IGF2BP3: variants seen among roughly 807,000 people sequenced by gnomAD.
IGF2BP3 encodes insulin like growth factor 2 mRNA binding protein 3.
A neutral mutation model predicts 73.8 loss-of-function variants in IGF2BP3; 9 were observed. That is an observed-to-expected ratio of 0.12 (90% CI 0.07 to 0.21). The LOEUF (loss-of-function observed/expected upper bound fraction) is 0.21, where lower values mean the gene tolerates loss of function less well. Ranked by LOEUF, IGF2BP3 falls within the 10% of genes least tolerant of loss-of-function variation. IGF2BP3 has a pLI of 1.00. For synonymous variants in IGF2BP3, 258 were observed against 256.7 expected, an observed-to-expected ratio of 1.01 and a Z score of -0.05; for missense variants, 542 against 714.0, an observed-to-expected ratio of 0.76 and a Z score of 2.75.
In IGF2BP3 at chr7:23,351,376, G is replaced by T. The variant is rs768741894; in HGVS notation, c.612C>A (p.Thr204=). ...CDLPLRLLVP[T]QFVGAIIGKE... ...TTCCTATGATGGCTCCAACAAATTG[G>T]GTGGGAACCAGCAGGCGCAGAGGCA... Residue 204 remains threonine (T), a synonymous_variant, in exon 6 of 15, where the codon ACC becomes ACA. Transcript: ENST00000258729. 6.2e-7 allele frequency: 1 copy of T among 1,613,868 alleles called. No homozygotes were observed. Among genetic ancestry groups the T allele is most frequent in the East Asian group, 2.2e-5 (1 of 44,860 alleles).
At chr7:23,386,722 G>C (rs567650660) in intron 3 of IGF2BP3, among the ~76,000 whole-genome samples, 40 of 152,258 alleles carry the variant, frequency 2.6e-4, no homozygotes, top group African/African-American at 9.4e-4. Flanking sequence ...GTATTGGCAG[G>C]GAGGGGTGGT....
intron 2 of IGF2BP3, among the ~76,000 whole-genome samples, chr7:23,433,368 G>A (rs900517000): frequency 7.2e-5 from 11 of 151,908 alleles, no homozygotes; most frequent in Admixed American, 2.0e-4. Context: ...GAATTGAATC[G>A]TTCTGTAAGG....
At chr7:23,389,246 C>T (rs1224303203) in intron 3 of IGF2BP3, among the ~76,000 whole-genome samples, 3 of 151,688 alleles carry the variant, frequency 2.0e-5, no homozygotes, top group Non-Finnish European at 4.4e-5. Flanking sequence ...CTGCAACCTC[C>T]ATCTCCCAGG....
At chr7:23,341,342 A>C (rs373380239) in intron 10 of IGF2BP3, among the ~76,000 whole-genome samples, 2 of 152,192 alleles carry the variant, frequency 1.3e-5, no homozygotes, top group African/African-American at 4.8e-5. Flanking sequence ...CAAAGATGAA[A>C]GAAGCCTTTA....
intron 5 of IGF2BP3, chr7:23,361,324 A>G (rs1490239109): frequency 3.9e-6 from 2 of 506,918 alleles, no homozygotes; most frequent in Admixed American, 6.9e-5. Flanking sequence ...GGCATTAAAG[A>G]TATATTGAAA....
rs428024 is a variant in IGF2BP3 at position 23,367,142 on chromosome 7, C to A, written c.286-5401G>T. 3.6e-3 allele frequency among the ~76,000 whole-genome samples: 552 copies of A among 152,236 alleles called. 4 individuals are homozygous for A. The highest frequency in any genetic ancestry group is 6.0e-3 in the Non-Finnish European group (410 of 67,996). ...TACATGCATGTGCCACCACGCCTGG[C>A]TACTTTTTGTATTATAGTAGAGACA... On this transcript the variant is annotated intron_variant, in intron 3 of 14. Coordinates refer to ENST00000258729, the MANE Select transcript of IGF2BP3 (RefSeq NM_006547.3).
chr7:23,314,618 G>C (rs1249132652), intron 12 of IGF2BP3, among the ~76,000 whole-genome samples: 1 of 151,892 alleles, frequency 6.6e-6, no homozygotes, highest in African/African-American at 2.4e-5. Context: ...CATTTTTTTT[G>C]AGCAAAAGAG....
intron 3 of IGF2BP3, among the ~76,000 whole-genome samples, chr7:23,382,612 C>A (rs554597360): frequency 1.3e-3 from 192 of 152,170 alleles, no homozygotes; most frequent in African/African-American, 4.3e-3. Flanking sequence ...CAATAACTAT[C>A]CTCCTACCAT....
At chr7:23,397,715 C>CA (rs1337420639) in intron 3 of IGF2BP3, among the ~76,000 whole-genome samples, 2 of 152,190 alleles carry the variant, frequency 1.3e-5, no homozygotes, top group African/African-American at 4.8e-5. Context: ...TTAGAGTCCC[C>CA]ACTCTCAAGG....
chr7:23,358,182 CA>C (rs1274286421), intron 5 of IGF2BP3, among the ~76,000 whole-genome samples: 1 of 152,118 alleles, frequency 6.6e-6, no homozygotes, highest in Non-Finnish European at 1.5e-5. Flanking sequence ...TTAACTTGAC[CA>C]AAGTCAGCTA....
intron 2 of IGF2BP3, among the ~76,000 whole-genome samples, chr7:23,420,780 C>G (rs1157044371): frequency 6.6e-6 from 1 of 152,178 alleles, no homozygotes; most frequent in African/African-American, 2.4e-5. Context: ...AAGAGAAGCA[C>G]TTTTACATTA....
At chr7:23,401,981 G>T (rs1195968973) in intron 3 of IGF2BP3, among the ~76,000 whole-genome samples, 2 of 151,886 alleles carry the variant, frequency 1.3e-5, no homozygotes, top group Non-Finnish European at 1.5e-5. Context: ...GCCAGGCATG[G>T]TGGCGTGTCC....
chr7:23,394,279 C>G (rs948146875), intron 3 of IGF2BP3, among the ~76,000 whole-genome samples: 2 of 152,138 alleles, frequency 1.3e-5, no homozygotes, highest in African/African-American at 2.4e-5. Flanking sequence ...CCGGCCTGAA[C>G]AACATGGCGA....
chr7:23,327,124 A>C (rs1358749662), intron 10 of IGF2BP3, among the ~76,000 whole-genome samples: 1 of 152,140 alleles, frequency 6.6e-6, no homozygotes, highest in African/African-American at 2.4e-5. Flanking sequence ...TACACAACTT[A>C]GACATGAACT....
chr7:23,322,871 C>G (rs143208021), intron 10 of IGF2BP3, among the ~76,000 whole-genome samples: 2 of 151,982 alleles, frequency 1.3e-5, no homozygotes, highest in Non-Finnish European at 2.9e-5. Flanking sequence ...AAGCAAATGC[C>G]GAGAGATTTT....
At chr7:23,434,200 AC>A (rs1244969283) in intron 2 of IGF2BP3, among the ~76,000 whole-genome samples, 2 of 152,178 alleles carry the variant, frequency 1.3e-5, no homozygotes, top group African/African-American at 4.8e-5. Flanking sequence ...AGATTACTAA[AC>A]TTTTAAAACC....
chr7:23,468,548 GAC>G lies in IGF2BP3; in HGVS notation c.176-8_176-7del, dbSNP rs1788625278. 1.2e-6 allele frequency: 2 copies of G among 1,614,006 alleles called. No homozygotes were observed. Among genetic ancestry groups the G allele is most frequent in the African/African-American group, 2.7e-5 (2 of 74,948 alleles). ...CCCGTGCAGTTCTATTTTACCTGCG[GAC>G]ACACAAGAAGTGAGACGGTCGGCCG... On this transcript the variant is annotated splice_region_variant and splice_polypyrimidine_tract_variant and intron_variant, in intron 1 of 14. Coordinates refer to ENST00000258729, the MANE Select transcript of IGF2BP3 (RefSeq NM_006547.3).
chr7:23,392,556 T>G (rs542216378), intron 3 of IGF2BP3, among the ~76,000 whole-genome samples: 22 of 151,746 alleles, frequency 1.4e-4, no homozygotes, highest in Non-Finnish European at 2.4e-4. Context: ...ATACAACTAT[T>G]AATGATAGTT....
In IGF2BP3 at chr7:23,442,687, C is replaced by A. The variant is rs899294410; in HGVS notation, c.237-23863G>T. 1.2e-4 allele frequency among the ~76,000 whole-genome samples: 19 copies of A among 152,044 alleles called. 1 individual carries two copies. The highest frequency in any genetic ancestry group is 6.6e-5 in the Admixed American group (1 of 15,254). On this transcript the variant is annotated intron_variant, in intron 2 of 14. Transcript: ENST00000258729. ...GGCTGGGATTACAGGCTTGAGCTAC[C>A]GAGCCCAGTCTGTTTTTTTCATTTT...
Sources: allele counts gnomAD v4.1 joint callset (sites outside exome capture counted in the v4.1 genomes callset), GRCh38; gene constraint gnomAD v4.1.1; transcripts MANE v1.5; gene names NCBI Gene and HGNC (gene_info 2026-07-23, HGNC 2026-07-21).